MED26: variants seen among roughly 807,000 people sequenced by gnomAD.
The protein encoded by MED26 is mediator complex subunit 26.
Under a neutral mutation model 43.7 loss-of-function variants are expected in MED26, and 7 were observed. The observed-to-expected ratio is 0.16, with a 90% CI of 0.09 to 0.30. The LOEUF is 0.30. Ranked by LOEUF, MED26 falls within the 10% of genes least tolerant of loss-of-function variation. The pLI is 1.00. For missense variants in MED26, 784 were observed against 840.6 expected (o/e 0.93, Z 0.83); for synonymous variants, 375 against 371.1 (o/e 1.01, Z -0.12).
chr19:16,616,247 T>A (rs1218158482), intron 1 of MED26, among the ~76,000 whole-genome samples: 2 of 152,196 alleles, frequency 1.3e-5, no homozygotes, highest in Non-Finnish European at 2.9e-5. Context: ...GCAGCATTTT[T>A]TACATCTTTC....
intron 1 of MED26, among the ~76,000 whole-genome samples, chr19:16,608,566 C>A (rs1482180594): frequency 2.6e-5 from 4 of 152,226 alleles, no homozygotes; most frequent in African/African-American, 7.2e-5. Flanking sequence ...TAGAAATCTG[C>A]AAACTCCTGG....
At chr19:16,605,902 C>T (rs1421883712) in intron 1 of MED26, among the ~76,000 whole-genome samples, 1 of 152,206 alleles carries the variant, frequency 6.6e-6, no homozygotes, top group African/African-American at 2.4e-5. Context: ...GTCTTCCTAT[C>T]GAACTCCTGG....
chr19:16,615,702 C>T (rs955131949), intron 1 of MED26, among the ~76,000 whole-genome samples: 18 of 151,262 alleles, frequency 1.2e-4, no homozygotes, highest in African/African-American at 4.4e-4. Flanking sequence ...ACTGAGATTG[C>T]ACCATTGCAC....
rs2086025058 is a variant in MED26, at chr19:16,578,398, C to T, written c.84G>A (p.Met28Ile). ...TGGAGATGACTTCCAGCACCGCCAC[C>T]ATGTTCCGGATCTGTGGAAATAAAA... ...AIDPQSNIRN[M>I]VAVLEVISSL... The change falls in exon 2 of 3, where the codon ATG (methionine) becomes ATA (isoleucine). Residue 28 changes from methionine (M) to isoleucine (I), a missense_variant. Around this residue, in one of 3 missense-constraint regions of MED26, gnomAD observed 28 missense variants for 79.4 expected, o/e 0.35. Transcript: ENST00000263390. 6.2e-7 allele frequency: 1 copy of T among 1,614,086 alleles called. No individual in the cohort carries two copies. The highest frequency in any genetic ancestry group is 8.5e-7 in the Non-Finnish European group (1 of 1,179,992).
chr19:16,585,751 C>T (rs1029346134), intron 1 of MED26, among the ~76,000 whole-genome samples: 2 of 152,196 alleles, frequency 1.3e-5, no homozygotes, highest in South Asian at 2.1e-4. Flanking sequence ...CGACAGGGTG[C>T]GTGGAATCAC....
chr19:16,607,397 G>A (rs62116879), intron 1 of MED26, among the ~76,000 whole-genome samples: 1 of 149,388 alleles, frequency 6.7e-6, no homozygotes, highest in Non-Finnish European at 1.5e-5. Context: ...AAAAAAAAAG[G>A]AGCATGTCCA....
At chr19:16,607,014 T>C (rs183715277) in intron 1 of MED26, among the ~76,000 whole-genome samples, 140 of 152,260 alleles carry the variant, frequency 9.2e-4, no homozygotes, top group Non-Finnish European at 1.6e-3. Context: ...TGAACCACTG[T>C]ATCTGGTCTC....
intron 1 of MED26, among the ~76,000 whole-genome samples, chr19:16,617,910 C>T (rs1039083332): frequency 1.3e-5 from 2 of 152,194 alleles, no homozygotes; most frequent in African/African-American, 2.4e-5. Flanking sequence ...ACATGTGGCC[C>T]GTTTCCGTCA....
intron 1 of MED26, among the ~76,000 whole-genome samples, chr19:16,613,760 T>G (rs374997148): frequency 6.6e-6 from 1 of 152,230 alleles, no homozygotes; most frequent in Admixed American, 6.5e-5. Context: ...TTGATGCTGC[T>G]GTCCTTGCAA....
intron 1 of MED26, among the ~76,000 whole-genome samples, chr19:16,591,083 A>G (rs2086095484): frequency 6.6e-6 from 1 of 151,210 alleles, no homozygotes; most frequent in Non-Finnish European, 1.5e-5. Flanking sequence ...AAATAAATAA[A>G]TAAATAAATA....
At chr19:16,585,954 A>G (rs1173346654) in intron 1 of MED26, among the ~76,000 whole-genome samples, 1 of 152,230 alleles carries the variant, frequency 6.6e-6, no homozygotes, top group Non-Finnish European at 1.5e-5. Flanking sequence ...GGCCCTGAGT[A>G]ATTACTGCTG....
At chr19:16,592,458 C>G (rs114303360) in intron 1 of MED26, among the ~76,000 whole-genome samples, 1 of 152,288 alleles carries the variant, frequency 6.6e-6, no homozygotes, top group Admixed American at 6.5e-5. Flanking sequence ...GGGGACGTAC[C>G]GCCACCAACC....
intron 1 of MED26, chr19:16,611,483 A>G (rs565464697): frequency 5.6e-4 from 85 of 152,296 alleles, no homozygotes; most frequent in African/African-American, 2.0e-3. Flanking sequence ...ATTGCTCTCT[A>G]TAGTGCTCAA....
intron 1 of MED26, among the ~76,000 whole-genome samples, chr19:16,594,877 C>G (rs1168359218): frequency 6.6e-6 from 1 of 152,164 alleles, no homozygotes; most frequent in Non-Finnish European, 1.5e-5. Flanking sequence ...CTGGACCCTA[C>G]CTGTCACCAC....
At chr19:16,594,833 C>T (rs1431248961) in intron 1 of MED26, among the ~76,000 whole-genome samples, 1 of 152,204 alleles carries the variant, frequency 6.6e-6, no homozygotes, top group Non-Finnish European at 1.5e-5. Context: ...CATGTTTTTA[C>T]TACACCCTAA....
At chr19:16,613,055 T>G (rs1056464129) in intron 1 of MED26, among the ~76,000 whole-genome samples, 3 of 152,150 alleles carry the variant, frequency 2.0e-5, no homozygotes, top group African/African-American at 7.2e-5. Flanking sequence ...TAAATTTCCT[T>G]TCAGGCACTG....
At chr19:16,625,712 T>C (rs1340698921) in intron 1 of MED26, among the ~76,000 whole-genome samples, 2 of 152,200 alleles carry the variant, frequency 1.3e-5, no homozygotes, top group Non-Finnish European at 2.9e-5. Flanking sequence ...GCAGACGCAC[T>C]GACATGCCCG....
chr19:16,611,513 A>T (rs1470345196), intron 1 of MED26: 2 of 152,178 alleles, frequency 1.3e-5, no homozygotes, highest in Non-Finnish European at 2.9e-5. Context: ...AGGCTAGAGC[A>T]GCCTACTTTT....
chr19:16,601,409 C>A (rs2122421274), intron 1 of MED26, among the ~76,000 whole-genome samples: 1 of 152,308 alleles, frequency 6.6e-6, no homozygotes, highest in Non-Finnish European at 1.5e-5. Flanking sequence ...TCCACCTCGG[C>A]CTCCCAAAGT....
Sources: allele counts gnomAD v4.1 joint callset (sites outside exome capture counted in the v4.1 genomes callset), GRCh38; gene constraint gnomAD v4.1.1; regional missense constraint gnomAD v4.1.1; transcripts MANE v1.5; gene names NCBI Gene and HGNC (gene_info 2026-07-23, HGNC 2026-07-21).